MTTP: variants seen among roughly 807,000 people sequenced by gnomAD.
MTTP encodes the protein microsomal triglyceride transfer protein.
MTTP carries 49 observed loss-of-function variants against 90.6 expected under a neutral mutation model. That is an observed-to-expected ratio of 0.54 (90% CI 0.43 to 0.69). The LOEUF is 0.69. Ranked by LOEUF, MTTP falls within the 30% of genes least tolerant of loss-of-function variation. The probability of loss-of-function intolerance (pLI) is 0.00; values close to 1 mark genes in which losing one functional copy is unlikely to be tolerated. For missense variants in MTTP, 945 were observed against 1,067.5 expected (o/e 0.89, Z 1.60); for synonymous variants, 347 against 384.2 (o/e 0.90, Z 1.13).
chr4:99,608,033 A>G (rs1349135858), intron 11 of MTTP, among the ~76,000 whole-genome samples: 3 of 152,204 alleles, frequency 2.0e-5, no homozygotes, highest in Non-Finnish European at 4.4e-5. Flanking sequence ...ATTACTTCAT[A>G]TAACTACCTT....
At chr4:99,567,398 A>G (rs1724728293) in intron 1 of MTTP, among the ~76,000 whole-genome samples, 1 of 152,222 alleles carries the variant, frequency 6.6e-6, no homozygotes, top group Non-Finnish European at 1.5e-5. Context: ...AATATCAGCA[A>G]CTGTGTAGGA....
rs752695889 is a variant in MTTP at position 99,623,012 on chromosome 4, T to C, written c.*164T>C. ...TGCAGTTTGATCAAATTTGGGTATA[T>C]GCAGTATGCTACCCACAGCGTCATT... On this transcript the variant is annotated 3_prime_UTR_variant, in exon 18 of 18. Coordinates refer to ENST00000265517, the MANE Select transcript of MTTP (RefSeq NM_001386140.1). The C allele has an allele frequency of 1.4e-6, 1 of 738,336 alleles. No individual in the cohort carries two copies. The highest frequency in any genetic ancestry group is 2.4e-6 in the Non-Finnish European group (1 of 425,044). 45.7% of individuals were successfully genotyped at this position (738,336 alleles called of 1,614,324 possible). A position where few individuals can be genotyped will look rare whatever the true frequency, so the allele number is the denominator to read the frequency against.
chr4:99,590,332 C>T (rs1418930756), intron 4 of MTTP, among the ~76,000 whole-genome samples: 1 of 152,178 alleles, frequency 6.6e-6, no homozygotes. Context: ...TCAGATGATC[C>T]ACCCGCCTTG....
chr4:99,612,952 GC>G lies in MTTP; in HGVS notation c.2031del (p.Thr678ProfsTer36), dbSNP rs752556986. ...EAQGLEALIA[A>X]TPDEGEENLD... Reference sequence around the variant, plus strand: ...CCAAGGACTGGAAGCCTTAATCGCAGCCACCCCTGACGAGGGGGAGGAGAAC... The same window carrying G: ...CCAAGGACTGGAAGCCTTAATCGCAGCACCCCTGACGAGGGGGAGGAGAAC... On this transcript the variant is annotated frameshift_variant, in exon 15 of 18. Coordinates refer to ENST00000265517, the MANE Select transcript of MTTP (RefSeq NM_001386140.1). LOFTEE classifies it high-confidence loss of function. 1.2e-6 allele frequency: 2 copies of G among 1,613,982 alleles called. No homozygotes were observed. Among genetic ancestry groups the G allele is most frequent in the Non-Finnish European group, 1.7e-6 (2 of 1,179,920 alleles).
chr4:99,596,197 G>A (rs1220503160), intron 7 of MTTP, among the ~76,000 whole-genome samples: 1 of 151,918 alleles, frequency 6.6e-6, no homozygotes, highest in South Asian at 2.1e-4. Context: ...AGAAAAAAAA[G>A]GATCCATTGC....
chr4:99,604,552 T>C (rs1330049512), intron 10 of MTTP, among the ~76,000 whole-genome samples: 4 of 152,190 alleles, frequency 2.6e-5, no homozygotes. Context: ...TCTCTTTCTG[T>C]CTTATTTTAG....
At chr4:99,589,054 T>C in intron 3 of MTTP, among the ~76,000 whole-genome samples, 1 of 134,886 alleles carries the variant, frequency 7.4e-6, no homozygotes, top group Non-Finnish European at 1.6e-5. Flanking sequence ...TGTTCATATA[T>C]ATATTCATAT....
rs1355514266 is a variant in MTTP at position 99,583,487 on chromosome 4, A to T, written c.363A>T (p.Arg121Ser). Residue 121 changes from arginine (R) to serine (S), a missense_variant, in exon 3 of 18, where the codon AGA becomes AGT. By Grantham distance (110) the Arg-to-Ser change is moderately radical. Transcript: ENST00000265517. ...AGGAAAACTTGGAAGCTCTGCAAAG[A>T]CCTACGCTCCTTCATCTAATCCATG... ...MGKENLEALQ[R>S]PTLLHLIHGK... 3.1e-6 allele frequency: 5 copies of T among 1,613,518 alleles called. No homozygotes were observed. Among genetic ancestry groups the T allele is most frequent in the Non-Finnish European group, 4.2e-6 (5 of 1,179,820 alleles).
At chr4:99,577,654 A>T (rs1243560184) in intron 1 of MTTP, among the ~76,000 whole-genome samples, 2 of 151,754 alleles carry the variant, frequency 1.3e-5, no homozygotes, top group African/African-American at 2.4e-5. Context: ...GGAAGAAAAG[A>T]AAAAGGAAAA....
chr4:99,583,946 A>G (rs929991061), intron 3 of MTTP: 2 of 217,488 alleles, frequency 9.2e-6, no homozygotes, highest in African/African-American at 2.3e-5. Flanking sequence ...GAGATTATCG[A>G]TATCTGGCTA....
At chr4:99,607,275 G>C (rs1221231131) in intron 11 of MTTP, among the ~76,000 whole-genome samples, 1 of 152,072 alleles carries the variant, frequency 6.6e-6, no homozygotes, top group Non-Finnish European at 1.5e-5. Context: ...AAATATCCTG[G>C]TTTAAGTATA....
At chr4:99,579,425 CA>C (rs1436972988) in intron 1 of MTTP, among the ~76,000 whole-genome samples, 1 of 152,126 alleles carries the variant, frequency 6.6e-6, no homozygotes, top group African/African-American at 2.4e-5. Context: ...GGGGCCTTTG[CA>C]CTTGCTGTTT....
At chr4:99,622,180 A>T (rs985106741) in intron 17 of MTTP, among the ~76,000 whole-genome samples, 1 of 152,226 alleles carries the variant, frequency 6.6e-6, no homozygotes, top group Non-Finnish European at 1.5e-5. Context: ...AATGCATTTT[A>T]AAAACCCCAA....
intron 3 of MTTP, among the ~76,000 whole-genome samples, chr4:99,584,399 A>G (rs764511821): frequency 6.6e-6 from 1 of 152,168 alleles, no homozygotes; most frequent in Non-Finnish European, 1.5e-5. Context: ...ACTGATCTTT[A>G]TATACTGATA....
chr4:99,608,707 G>A, intron 11 of MTTP, 59 bp from the exon 12 acceptor site: 1 of 1,255,416 alleles, frequency 8.0e-7, no homozygotes, highest in East Asian at 2.3e-5. Flanking sequence ...TGCTATTCCT[G>A]CTGAAATGTC....
intron 3 of MTTP, among the ~76,000 whole-genome samples, chr4:99,587,650 C>T (rs1266440117): frequency 2.0e-5 from 3 of 152,148 alleles, no homozygotes; most frequent in Non-Finnish European, 4.4e-5. Flanking sequence ...TGGTATTTTT[C>T]CCACTTAGGA....
In MTTP at chr4:99,577,605, C is replaced by CAGAA. The variant is rs1491473574; in HGVS notation, c.61+2636_61+2637insGAAA. Among the ~76,000 whole-genome samples, 5 of 101,300 alleles carry CAGAA rather than the reference C, an allele frequency of 4.9e-5. No individual in the cohort carries two copies. In the South Asian group the frequency reaches 1.6e-3, roughly 32 times the overall value. 66.5% of individuals were successfully genotyped at this position (101,300 alleles called of 152,430 possible). A position where few individuals can be genotyped will look rare whatever the true frequency, so the allele number is the denominator to read the frequency against. On this transcript the variant is annotated intron_variant, in intron 1 of 17. Coordinates refer to ENST00000265517, the MANE Select transcript of MTTP (RefSeq NM_001386140.1). ...GGGCAATAAGAGCGAAACTCTGTTT[C>CAGAA]AAAAAAAAAAAAAAAAAGAAAGAAA... is the stretch of plus-strand genomic sequence containing the variant.
In MTTP at chr4:99,582,210, A is replaced by G; in HGVS notation, c.249+118A>G. The G allele has an allele frequency of 5.7e-6, 6 of 1,060,698 alleles. No individual in the cohort carries two copies. In the Admixed American group the frequency reaches 7.9e-5, roughly 14 times the overall value. The allele number at this position is 1,060,698 out of a possible 1,614,324, so 65.7% of individuals were successfully genotyped here. A position where few individuals can be genotyped will look rare whatever the true frequency, so the allele number is the denominator to read the frequency against. On this transcript the variant is annotated intron_variant, in intron 2 of 17. Coordinates refer to ENST00000265517, the MANE Select transcript of MTTP (RefSeq NM_001386140.1). The stretch of plus-strand genomic sequence containing the variant: ...TATAAATCCATTTAGTTTCTTATCT[A>G]TCACTAAAACAAGCAGTTCTATGTA...
rs1726227796 is a variant in MTTP at position 99,621,367 on chromosome 4, A to C, written c.2513+136A>C. On this transcript the variant is annotated intron_variant, in intron 17 of 17. Transcript: ENST00000265517. ...GGGAAAGATGAATTTTCTTTAAATG[A>C]GTAGAAGAATAATTGATAAGGCCAA... 6.0e-6 allele frequency: 7 copies of C among 1,163,464 alleles called. No individual in the cohort carries two copies. The East Asian group carries it at 1.7e-4, about 28-fold the overall frequency. 72.1% of individuals were successfully genotyped at this position (1,163,464 alleles called of 1,614,324 possible).
Sources: allele counts gnomAD v4.1 joint callset (sites outside exome capture counted in the v4.1 genomes callset), GRCh38; gene constraint gnomAD v4.1.1; transcripts MANE v1.5; gene names NCBI Gene and HGNC (gene_info 2026-07-23, HGNC 2026-07-21).